Variants in GLMN observed in about 807,000 individuals in gnomAD.
GLMN encodes the protein glomulin.
GLMN carries 75 observed loss-of-function variants against 87.8 expected under a neutral mutation model. The observed-to-expected ratio is 0.85, with a 90% CI of 0.71 to 1.04. The LOEUF (loss-of-function observed/expected upper bound fraction) is 1.04. GLMN is among the 50% of genes least tolerant of loss of function. The pLI is 0.00. For missense variants in GLMN, 588 were observed against 658.8 expected (o/e 0.89, Z 1.18); for synonymous variants, 206 against 221.6 (o/e 0.93, Z 0.63).
the GLMN span, among the ~76,000 whole-genome samples, chr1:92,326,169 T>G: frequency 6.6e-6 from 1 of 152,270 alleles, no homozygotes; most frequent in South Asian, 2.1e-4. Context: ...TTTCCTTGAT[T>G]CCATGTCCTC....
At chr1:92,253,290 T>G (rs902527774) in intron 16 of GLMN, among the ~76,000 whole-genome samples, 8 of 152,186 alleles carry the variant, frequency 5.3e-5, no homozygotes, top group Admixed American at 4.6e-4. Flanking sequence ...TAGATAAAAC[T>G]TCCATCTCCC....
chr1:92,257,253 G>A (rs566016953), intron 16 of GLMN, among the ~76,000 whole-genome samples: 2 of 151,534 alleles, frequency 1.3e-5, no homozygotes, highest in South Asian at 2.1e-4. Context: ...AATAAGAGAG[G>A]ACACAAATGG....
Position 92,298,938 on chromosome 1 carries a change from C to A in GLMN, c.-44G>T, listed in dbSNP as rs886046548. ...AACTCCACTTACCGGCCAGAACCCT[C>A]GCCTCTCCCAGCCGCCGCCACCTCC... On this transcript the variant is annotated 5_prime_UTR_variant, in exon 1 of 19. Coordinates refer to ENST00000370360, the MANE Select transcript of GLMN (RefSeq NM_053274.3). The A allele has an allele frequency of 2.1e-6, 1 of 486,324 alleles. No individual in the cohort carries two copies. Among genetic ancestry groups the A allele is most frequent in the Non-Finnish European group, 3.7e-6 (1 of 272,940 alleles). 30.1% of individuals were successfully genotyped at this position (486,324 alleles called of 1,614,324 possible). A position where few individuals can be genotyped will look rare whatever the true frequency, so the allele number is the denominator to read the frequency against.
chr1:92,268,006 C>G lies in GLMN; in HGVS notation c.1009-4G>C. ...ATAAACTATTCTCCAGCAGCTCCTA[C>G]AGATTAAAATATATGCAGATACATA... On this transcript the variant is annotated splice_polypyrimidine_tract_variant and splice_region_variant and intron_variant, in intron 10 of 18. Coordinates refer to ENST00000370360, the MANE Select transcript of GLMN (RefSeq NM_053274.3). 2.6e-6 allele frequency: 4 copies of G among 1,526,734 alleles called. No individual in the cohort carries two copies. Among genetic ancestry groups the G allele is most frequent in the Non-Finnish European group, 3.6e-6 (4 of 1,100,296 alleles). The allele number at this position is 1,526,734 out of a possible 1,614,324, so 94.6% of individuals were successfully genotyped here.
chr1:92,324,100 G>C, the GLMN span: 1 of 1,614,172 alleles, frequency 6.2e-7, no homozygotes, highest in Non-Finnish European at 8.5e-7. Flanking sequence ...TTATGCTTCT[G>C]TGTGTCTGAA....
upstream of GLMN, chr1:92,300,333 T>TA (rs1557584255): frequency 5.2e-6 from 5 of 957,264 alleles, no homozygotes; most frequent in African/African-American, 3.3e-5. Context: ...CTTTTTTTTT[T>TA]TAGAGAAAAT....
At chr1:92,269,883 T>C in intron 8 of GLMN, 107 bp from the exon 9 acceptor site, 1 of 763,934 alleles carries the variant, frequency 1.3e-6, no homozygotes, top group South Asian at 1.5e-5. Context: ...AAAAGATATG[T>C]TGGAGTCCTA....
At chr1:92,323,891 TAACTC>T in the GLMN span, 1 of 1,614,080 alleles carries the variant, frequency 6.2e-7, no homozygotes, top group Non-Finnish European at 8.5e-7. Flanking sequence ...AGGTCAGAAA[TAACTC>T]TAGTAGGCAT....
chr1:92,335,869 T>C, the GLMN span, among the ~76,000 whole-genome samples: 6 of 152,146 alleles, frequency 3.9e-5, no homozygotes, highest in African/African-American at 1.4e-4. Flanking sequence ...TTTCCTTAGA[T>C]TAAATTTTTT....
the GLMN span, among the ~76,000 whole-genome samples, chr1:92,309,937 T>C: frequency 2.6e-5 from 4 of 152,210 alleles, no homozygotes; most frequent in Admixed American, 6.5e-5. Context: ...GAATTTATTC[T>C]GATATTGGTG....
chr1:92,339,522 T>C, the GLMN span, among the ~76,000 whole-genome samples: 1 of 152,102 alleles, frequency 6.6e-6, no homozygotes, highest in East Asian at 1.9e-4. Flanking sequence ...AGTCCCTTGG[T>C]TTTCCTGCCT....
chr1:92,329,353 C>T, the GLMN span, among the ~76,000 whole-genome samples: 7 of 152,174 alleles, frequency 4.6e-5, no homozygotes, highest in East Asian at 1.9e-4. Context: ...CTGCATCACA[C>T]AGGTCACTAG....
intron 7 of GLMN, among the ~76,000 whole-genome samples, chr1:92,279,054 C>A (rs1647634458): frequency 6.6e-6 from 1 of 151,240 alleles, no homozygotes; most frequent in Non-Finnish European, 1.5e-5. Context: ...ACACCAGGTT[C>A]TACAACCTAA....
At chr1:92,276,878 G>C (rs1351341306) in intron 7 of GLMN, among the ~76,000 whole-genome samples, 2 of 152,142 alleles carry the variant, frequency 1.3e-5, no homozygotes, top group Non-Finnish European at 2.9e-5. Flanking sequence ...TGGGTGATGG[G>C]TACATGGGCA....
chr1:92,296,635 T>A (rs746873184), intron 3 of GLMN, among the ~76,000 whole-genome samples: 10 of 152,132 alleles, frequency 6.6e-5, no homozygotes, highest in Non-Finnish European at 7.4e-5. Context: ...CCGTCTTCCT[T>A]ATAAGGAGTA....
At chr1:92,328,664 T>C in the GLMN span, among the ~76,000 whole-genome samples, 1 of 152,246 alleles carries the variant, frequency 6.6e-6, no homozygotes, top group African/African-American at 2.4e-5. Context: ...AGATTTTGTC[T>C]TGGTTTGGAT....
At chr1:92,265,206 T>A (rs1353688494) in intron 13 of GLMN, among the ~76,000 whole-genome samples, 1 of 152,148 alleles carries the variant, frequency 6.6e-6, no homozygotes, top group East Asian at 1.9e-4. Context: ...ATTTGAATAT[T>A]TTTATGAACA....
chr1:92,357,094 T>TACACACAC, the GLMN span, among the ~76,000 whole-genome samples: 1,581 of 144,820 alleles, frequency 0.011, 27 homozygotes, highest in African/African-American at 0.038. Context: ...AAGGATTACA[T>TACACACAC]ACACACACAC....
intron 7 of GLMN, among the ~76,000 whole-genome samples, chr1:92,274,628 C>T (rs978254593): frequency 6.6e-6 from 1 of 152,138 alleles, no homozygotes; most frequent in African/African-American, 2.4e-5. Flanking sequence ...ATTTTTCAAT[C>T]AAGCAACAAG....
Sources: allele counts gnomAD v4.1 joint callset (sites outside exome capture counted in the v4.1 genomes callset), GRCh38; gene constraint gnomAD v4.1.1; transcripts MANE v1.5; gene names NCBI Gene and HGNC (gene_info 2026-07-23, HGNC 2026-07-21).